ADGRV1: variants seen among roughly 807,000 people sequenced by gnomAD.
The protein encoded by ADGRV1 is G-protein coupled receptor 98.
In ADGRV1, 359 loss-of-function variants were observed where a neutral mutation model predicts 596.2. The observed-to-expected ratio is 0.60, with a 90% CI of 0.55 to 0.66. ADGRV1 has a LOEUF of 0.66. Among genes scored for constraint, ADGRV1 ranks in the 30% least tolerant of loss-of-function variants. The pLI is 0.00. For synonymous variants in ADGRV1, 2,681 were observed against 2,679.2 expected (o/e 1.00, Z -0.02); for missense variants, 7,274 against 7,575.6 (o/e 0.96, Z 1.48).
chr5:90,756,759 T>A, intron 56 of ADGRV1, 129 bp downstream of exon 56: 1 of 845,052 alleles, frequency 1.2e-6, no homozygotes, highest in Non-Finnish European at 1.8e-6. Flanking sequence ...TCTTATAAAC[T>A]AATTCTTAGG....
chr5:90,630,533 A>C (rs902660917), intron 9 of ADGRV1: 3 of 152,188 alleles, frequency 2.0e-5, no homozygotes, highest in African/African-American at 7.2e-5. Context: ...TTGATACTTA[A>C]AATTCTAAAT....
At chr5:90,631,379 C>T (rs568117748) in intron 9 of ADGRV1, among the ~76,000 whole-genome samples, 1 of 152,010 alleles carries the variant, frequency 6.6e-6, no homozygotes, top group South Asian at 2.1e-4. Context: ...GGGCATTTTT[C>T]GAGGACTCTT....
chr5:91,025,874 C>T (rs568578380), intron 85 of ADGRV1, among the ~76,000 whole-genome samples: 7 of 152,234 alleles, frequency 4.6e-5, no homozygotes, highest in East Asian at 1.9e-4. Context: ...AGCTTCAACA[C>T]GTGAAAGCAT....
intron 34 of ADGRV1, among the ~76,000 whole-genome samples, chr5:90,702,659 T>C (rs1414155254): frequency 6.6e-6 from 1 of 151,970 alleles, no homozygotes; most frequent in African/African-American, 2.4e-5. Flanking sequence ...ATTTCTACTT[T>C]TTAAAAAATG....
At chr5:91,070,273 A>T (rs181674465) in intron 85 of ADGRV1, among the ~76,000 whole-genome samples, 1 of 152,172 alleles carries the variant, frequency 6.6e-6, no homozygotes, top group Middle Eastern at 3.4e-3. Flanking sequence ...TGAAGTTATT[A>T]AAAAAAAGTT....
At chr5:90,869,434 A>G (rs1233659462) in intron 83 of ADGRV1, among the ~76,000 whole-genome samples, 2 of 152,268 alleles carry the variant, frequency 1.3e-5, no homozygotes, top group African/African-American at 4.8e-5. Flanking sequence ...AAAAGTCACA[A>G]TATGAAAGGA....
chr5:91,040,992 T>C (rs544763811), intron 85 of ADGRV1, among the ~76,000 whole-genome samples: 4 of 152,316 alleles, frequency 2.6e-5, no homozygotes, highest in Admixed American at 2.6e-4. Context: ...GATGATGTGA[T>C]TGAAACCTAA....
chr5:91,138,436 A>G (rs1477737370), intron 87 of ADGRV1, among the ~76,000 whole-genome samples: 1 of 152,046 alleles, frequency 6.6e-6, no homozygotes, highest in Non-Finnish European at 1.5e-5. Flanking sequence ...TAAAACATCT[A>G]TTGAGTCTTA....
At chr5:91,025,907 G>A (rs1783984871) in intron 85 of ADGRV1, among the ~76,000 whole-genome samples, 1 of 152,146 alleles carries the variant, frequency 6.6e-6, no homozygotes, top group Non-Finnish European at 1.5e-5. Flanking sequence ...CAAGGCAAGA[G>A]TGACAGACTT....
chr5:90,923,196 T>C (rs1488692532), intron 83 of ADGRV1, among the ~76,000 whole-genome samples: 1 of 152,190 alleles, frequency 6.6e-6, no homozygotes, highest in Admixed American at 6.5e-5. Context: ...TTGCAGTTTA[T>C]GATTATAATT....
chr5:91,054,543 T>A (rs1786664757), intron 85 of ADGRV1, among the ~76,000 whole-genome samples: 1 of 152,124 alleles, frequency 6.6e-6, no homozygotes, highest in Admixed American at 6.5e-5. Flanking sequence ...GACACTTATT[T>A]CTCTTGGTTC....
intron 85 of ADGRV1, among the ~76,000 whole-genome samples, chr5:91,007,630 A>G (rs998352722): frequency 2.6e-5 from 4 of 152,104 alleles, no homozygotes; most frequent in Admixed American, 2.6e-4. Context: ...ACTTCCCCCT[A>G]CCTTGCAGAG....
intron 88 of ADGRV1, among the ~76,000 whole-genome samples, chr5:91,151,142 G>A (rs1796021224): frequency 6.6e-6 from 1 of 152,198 alleles, no homozygotes; most frequent in Non-Finnish European, 1.5e-5. Context: ...TTAATAGATG[G>A]ATGGAGAGAT....
intron 87 of ADGRV1, among the ~76,000 whole-genome samples, chr5:91,103,790 TA>T (rs1269889899): frequency 6.6e-6 from 1 of 152,156 alleles, no homozygotes; most frequent in Non-Finnish European, 1.5e-5. Context: ...ATGACACATT[TA>T]ATGCTTATTA....
chr5:90,738,113 G>A (rs577493872), intron 50 of ADGRV1, among the ~76,000 whole-genome samples: 2 of 151,956 alleles, frequency 1.3e-5, no homozygotes, highest in African/African-American at 4.8e-5. Flanking sequence ...CTGCTTTGTG[G>A]TTACCATGAG....
intron 75 of ADGRV1, among the ~76,000 whole-genome samples, chr5:90,816,485 T>A (rs1487224237): frequency 6.6e-6 from 1 of 151,946 alleles, no homozygotes; most frequent in African/African-American, 2.4e-5. Flanking sequence ...TATGTACACA[T>A]GTGCCATGTT....
At chr5:90,629,728 C>T (rs1204542486) in intron 9 of ADGRV1, 189 bp downstream of exon 9, 1 of 446,262 alleles carries the variant, frequency 2.2e-6, no homozygotes, top group Non-Finnish European at 4.0e-6. Context: ...ATAAATAAGA[C>T]AAGAATTTTT....
chr5:90,985,979 G>A (rs1313366934), intron 85 of ADGRV1, among the ~76,000 whole-genome samples: 4 of 151,788 alleles, frequency 2.6e-5, no homozygotes, highest in South Asian at 2.1e-4. Context: ...CTGAAGAAGT[G>A]CATAGGAACA....
chr5:90,779,158 C>G, intron 64 of ADGRV1, 61 bp downstream of exon 64: 2 of 1,001,918 alleles, frequency 2.0e-6, no homozygotes, highest in Non-Finnish European at 3.1e-6. Context: ...AGAGAAAGTT[C>G]TATTGTGTAG....
Sources: gnomAD v4.1 joint callset for allele counts (sites outside exome capture counted in the v4.1 genomes callset) on GRCh38, gnomAD v4.1.1 for gene constraint, MANE v1.5 for transcripts, NCBI Gene and HGNC (gene_info 2026-07-23, HGNC 2026-07-21) for gene names.